Variants in PAG1 observed in about 807,000 individuals in gnomAD.
PAG1 encodes the protein phosphoprotein membrane anchor with glycosphingolipid microdomains 1.
A neutral mutation model predicts 31.7 loss-of-function variants in PAG1; 23 were observed. The observed-to-expected ratio is 0.73, with a 90% CI of 0.52 to 1.03. The LOEUF (loss-of-function observed/expected upper bound fraction) is 1.03, where lower values mean the gene tolerates loss of function less well. Ranked by LOEUF, PAG1 falls within the 50% of genes least tolerant of loss-of-function variation. PAG1 has a pLI of 0.00. For missense variants in PAG1, 473 were observed against 540.7 expected (o/e 0.87, Z 1.24); for synonymous variants, 214 against 210.3 (o/e 1.02, Z -0.15).
Position 81,068,085 on chromosome 8 carries a change from C to T in PAG1, c.-175+2027G>A, listed in dbSNP as rs139208055. Among the ~76,000 whole-genome samples, 342 of 152,204 alleles carry T rather than the reference C, an allele frequency of 2.2e-3. 1 individual carries two copies. Among genetic ancestry groups the T allele is most frequent in the African/African-American group, 7.8e-3 (323 of 41,540 alleles). On this transcript the variant is annotated intron_variant, in intron 2 of 8. Transcript: ENST00000220597. Reference sequence around the variant, plus strand: ...CTAATTTTTGTATTTTTAGTAAAGACGGGGTTTCACCATGTTGGCCAGGCT... The same window carrying T: ...CTAATTTTTGTATTTTTAGTAAAGATGGGGTTTCACCATGTTGGCCAGGCT...
Position 80,990,912 on chromosome 8 carries a change from A to G in PAG1, c.177+567T>C, listed in dbSNP as rs948798271. 2.6e-5 allele frequency among the ~76,000 whole-genome samples: 4 copies of G among 152,178 alleles called. No individual in the cohort carries two copies. The highest frequency in any genetic ancestry group is 1.5e-5 in the Non-Finnish European group (1 of 68,016). On this transcript the variant is annotated intron_variant, in intron 5 of 8. Coordinates refer to ENST00000220597, the MANE Select transcript of PAG1 (RefSeq NM_018440.4). This position sits in a 1 kb window ranked among gnomAD's most constrained non-coding sequence, Gnocchi z 5.1. ...AAGCTAGTTAATATGAGGTCGTGCT[A>G]CAGTAGGGTGGGCACTAGTCCAATA...
chr8:81,084,648 T>C (rs1809322304), intron 1 of PAG1, among the ~76,000 whole-genome samples: 1 of 152,204 alleles, frequency 6.6e-6, no homozygotes, highest in Non-Finnish European at 1.5e-5. Context: ...GGCTTCTTTC[T>C]TTCCTAAGCT....
chr8:81,084,921 G>T (rs908442053), intron 1 of PAG1, among the ~76,000 whole-genome samples: 1 of 152,102 alleles, frequency 6.6e-6, no homozygotes, highest in African/African-American at 2.4e-5. Context: ...GATGAAGTCC[G>T]TTTTCTTTTT....
Position 80,987,469 on chromosome 8 carries a change from G to T in PAG1, c.178-3C>A. Reference sequence around the variant, plus strand: ...CTGAACATCTCCTTGTCTGAAGGCTGAAAACAAAAACAAAAACAAAAACAA... The same window carrying T: ...CTGAACATCTCCTTGTCTGAAGGCTTAAAACAAAAACAAAAACAAAAACAA... On this transcript the variant is annotated splice_polypyrimidine_tract_variant and splice_region_variant and intron_variant, in intron 5 of 8. Transcript: ENST00000220597. 6.2e-7 allele frequency: 1 copy of T among 1,609,722 alleles called. No individual in the cohort carries two copies. Among genetic ancestry groups the T allele is most frequent in the South Asian group, 1.1e-5 (1 of 90,992 alleles).
At chr8:80,996,284 T>C (rs557004121) in intron 3 of PAG1, among the ~76,000 whole-genome samples, 17 of 152,018 alleles carry the variant, frequency 1.1e-4, no homozygotes, top group Admixed American at 1.0e-3. Flanking sequence ...AGTGTGTGAG[T>C]GTTGGTGGTG....
intron 2 of PAG1, among the ~76,000 whole-genome samples, chr8:81,054,841 G>T (rs895434543): frequency 6.6e-6 from 1 of 152,028 alleles, no homozygotes; most frequent in Non-Finnish European, 1.5e-5. Flanking sequence ...CCAAGGAGTC[G>T]GCCCTATACT....
At position 80,999,101 on chromosome 8, in the gene PAG1, C is replaced by T. The variant is rs112115329; in HGVS notation, c.-80-5794G>A. ...TGAAATAAACTCTGAACAGAATCCT[C>T]AAGCCCCAGAAAGAGTTTTAAGCTA... On this transcript the variant is annotated intron_variant, in intron 3 of 8. Coordinates refer to ENST00000220597, the MANE Select transcript of PAG1 (RefSeq NM_018440.4). Among the ~76,000 whole-genome samples the T allele has an allele frequency of 4.7e-3, 712 of 152,334 alleles. 1 individual carries two copies. Among genetic ancestry groups the T allele is most frequent in the Middle Eastern group, 0.02 (6 of 294 alleles).
intron 1 of PAG1, among the ~76,000 whole-genome samples, chr8:81,088,592 G>C (rs1232885738): frequency 1.3e-5 from 2 of 152,116 alleles, no homozygotes; most frequent in East Asian, 3.8e-4. Flanking sequence ...AGAGAGAGCT[G>C]GGTAAGGAGA....
At position 80,976,646 on chromosome 8, in the gene PAG1, C is replaced by T. The variant is rs1439919907; in HGVS notation, c.1197G>A (p.Lys399=). The T allele has an allele frequency of 6.2e-7, 1 of 1,614,150 alleles. No individual in the cohort carries two copies. Among genetic ancestry groups the T allele is most frequent in the Admixed American group, 1.7e-5 (1 of 60,018 alleles). The change falls in exon 9 of 9, where the codon AAG becomes AAA. Residue 399 remains lysine (K), a synonymous_variant. Transcript: ENST00000220597. The part of the protein sequence containing the change: ...AIQTLNREEE[K]ATLGTNGHHG... ...GGTGGCCATTGGTCCCCAGGGTGGCCTTTTCTTCCTCTCTGTTGAGAGTCT... is the reference window on the plus strand; with the variant it reads ...GGTGGCCATTGGTCCCCAGGGTGGCTTTTTCTTCCTCTCTGTTGAGAGTCT...
In PAG1 at chr8:81,039,817, C is replaced by T. The variant is rs564334628; in HGVS notation, c.-174-9728G>A. On this transcript the variant is annotated intron_variant, in intron 2 of 8. Transcript: ENST00000220597. ...AACATCAAAATAACAGGTAGGTTCA[C>T]GCAATTCATTATACAATTTCAAAGA... is the stretch of plus-strand genomic sequence containing the variant. 1.2e-3 allele frequency among the ~76,000 whole-genome samples: 180 copies of T among 152,198 alleles called. 3 individuals are homozygous for T. In the South Asian group the frequency reaches 0.033, roughly 28 times the overall value.
chr8:81,096,545 A>G (rs1382445316), intron 1 of PAG1, among the ~76,000 whole-genome samples: 2 of 152,204 alleles, frequency 1.3e-5, no homozygotes, highest in African/African-American at 4.8e-5. Context: ...TTTTCCAGCA[A>G]AGACTCTGCC....
intron 1 of PAG1, among the ~76,000 whole-genome samples, chr8:81,093,839 T>C (rs1809485473): frequency 6.6e-6 from 1 of 152,300 alleles, no homozygotes; most frequent in South Asian, 2.1e-4. Context: ...AAAGCAGCAA[T>C]CTACACTGTG....
At chr8:80,993,645 C>T (rs932515892) in intron 3 of PAG1, among the ~76,000 whole-genome samples, 28 of 150,434 alleles carry the variant, frequency 1.9e-4, no homozygotes, top group Middle Eastern at 6.8e-3. Context: ...CTCTGTTGCC[C>T]AGAGTACAGG....
chr8:81,047,852 T>C (rs1000098964), intron 2 of PAG1, among the ~76,000 whole-genome samples: 14 of 152,186 alleles, frequency 9.2e-5, no homozygotes, highest in African/African-American at 3.4e-4. Context: ...GGAGAGCCCA[T>C]AGTTAAATGT....
intron 1 of PAG1, among the ~76,000 whole-genome samples, chr8:81,081,813 A>G (rs2131018058): frequency 6.6e-6 from 1 of 152,342 alleles, no homozygotes; most frequent in Non-Finnish European, 1.5e-5. Context: ...CGGTTTGTTC[A>G]GCCACTCATC....
At chr8:81,056,658 G>A (rs148943956) in intron 2 of PAG1, among the ~76,000 whole-genome samples, 16,676 of 152,132 alleles carry the variant, frequency 0.11, 1,030 homozygotes, top group South Asian at 0.22. Context: ...ACATAGGCAC[G>A]GGCAAGGACT....
intron 2 of PAG1, among the ~76,000 whole-genome samples, chr8:81,045,133 C>T (rs753186869): frequency 1.3e-5 from 2 of 152,078 alleles, no homozygotes; most frequent in Admixed American, 6.6e-5. Context: ...ACACCAGTGC[C>T]ATAAAAATAT....
At chr8:81,020,163 T>G (rs1185080479) in intron 3 of PAG1, among the ~76,000 whole-genome samples, 1 of 152,220 alleles carries the variant, frequency 6.6e-6, no homozygotes, top group Non-Finnish European at 1.5e-5. Flanking sequence ...AACTTGTTTT[T>G]GATTTTACAG....
chr8:81,092,422 A>G (rs1809463631), intron 1 of PAG1, among the ~76,000 whole-genome samples: 1 of 152,188 alleles, frequency 6.6e-6, no homozygotes, highest in Non-Finnish European at 1.5e-5. Flanking sequence ...AAATGACAAT[A>G]TCATTTCCTA....
Sources: allele counts gnomAD v4.1 joint callset (sites outside exome capture counted in the v4.1 genomes callset), GRCh38; gene constraint gnomAD v4.1.1; non-coding constraint Gnocchi (gnomAD v3.1); transcripts MANE v1.5; gene names NCBI Gene and HGNC (gene_info 2026-07-23, HGNC 2026-07-21).